The following DCSTAMP variants were observed in gnomAD, a reference collection of about 807,000 sequenced individuals.
The protein encoded by DCSTAMP is dendrocyte expressed seven transmembrane protein.
Under a neutral mutation model 33.8 loss-of-function variants are expected in DCSTAMP, and 25 were observed. The ratio of observed to expected loss-of-function variants is 0.74; its 90% CI spans 0.54 to 1.03. The LOEUF is 1.03. Ranked by LOEUF, DCSTAMP falls within the 50% of genes least tolerant of loss-of-function variation. The pLI, the probability that DCSTAMP is intolerant of heterozygous loss-of-function variation, is 0.00. For synonymous variants in DCSTAMP, 245 were observed against 216.7 expected, an observed-to-expected ratio of 1.13 and a Z score of -1.15; for missense variants, 531 against 556.8, an observed-to-expected ratio of 0.95 and a Z score of 0.47.
chr8:104,354,341 G>C (rs1810552672), intron 2 of DCSTAMP, among the ~76,000 whole-genome samples: 2 of 152,172 alleles, frequency 1.3e-5, no homozygotes, highest in African/African-American at 4.8e-5. Context: ...TGACCTTGTG[G>C]TCTGCTTAAG....
At chr8:104,348,084 A>G (rs976648730) in intron 1 of DCSTAMP, among the ~76,000 whole-genome samples, 9 of 152,216 alleles carry the variant, frequency 5.9e-5, no homozygotes, top group Admixed American at 2.0e-4. Flanking sequence ...GTTCTCCCCC[A>G]GTGCCTCCTG....
chr8:104,354,703 A>T (rs930457128), intron 2 of DCSTAMP, among the ~76,000 whole-genome samples, 174 bp from the exon 3 acceptor site: 2 of 152,232 alleles, frequency 1.3e-5, no homozygotes, highest in Non-Finnish European at 2.9e-5. Flanking sequence ...AATAAGACAC[A>T]TCTCTTCTCC....
intron 1 of DCSTAMP, among the ~76,000 whole-genome samples, chr8:104,345,519 T>C (rs1810283587): frequency 6.6e-6 from 1 of 152,212 alleles, no homozygotes; most frequent in Non-Finnish European, 1.5e-5. Flanking sequence ...ATTAGAGCTG[T>C]TGCCTGTTAA....
chr8:104,349,660 G>A, intron 2 of DCSTAMP, 79 bp downstream of exon 2: 1 of 1,498,248 alleles, frequency 6.7e-7, no homozygotes, highest in Non-Finnish European at 9.0e-7. Context: ...AACCTCCCGA[G>A]GCAGGGCAGT....
intron 1 of DCSTAMP, among the ~76,000 whole-genome samples, chr8:104,342,818 G>A (rs560501577): frequency 1.1e-4 from 17 of 152,326 alleles, no homozygotes; most frequent in African/African-American, 3.6e-4. Context: ...ACCAGGATGG[G>A]CCTGCGTCCG....
In DCSTAMP at chr8:104,348,636, C is replaced by T. The variant is rs2140472523; in HGVS notation, c.84C>T (p.Asp28=). Residue 28 remains aspartate (D), a synonymous_variant, in exon 2 of 4, where the codon GAC becomes GAT. Transcript: ENST00000297581. The stretch of plus-strand genomic sequence containing the variant: ...CTCCAAGAAGCCCCGGATGGATGGA[C>T]TTTATCCAGCATTTGGGAGTTTGCT... The part of the protein sequence containing the change: ...YVSPRSPGWM[D]FIQHLGVCCL... 4 of 1,614,168 alleles carry T rather than the reference C, an allele frequency of 2.5e-6. No individual in the cohort carries two copies. The highest frequency in any genetic ancestry group is 1.3e-5 in the African/African-American group (1 of 75,038).
In DCSTAMP at chr8:104,355,341, C is replaced by T. The variant is rs531437843; in HGVS notation, c.1338+156C>T. ...CATTGAGGAAAAATGAACAAACGTA[C>T]GTGGCTAGGACTCTTAACTCTGTGA... is the stretch of plus-strand genomic sequence containing the variant. On this transcript the variant is annotated intron_variant, in intron 3 of 3. Coordinates refer to ENST00000297581, the MANE Select transcript of DCSTAMP (RefSeq NM_030788.4). Among the ~76,000 whole-genome samples, 4 of 152,242 alleles carry T rather than the reference C, an allele frequency of 2.6e-5. No homozygotes were observed. In the East Asian group the frequency reaches 5.8e-4, roughly 22 times the overall value.
At position 104,355,155 on chromosome 8, in the gene DCSTAMP, C is replaced by T. The variant is rs775751074; in HGVS notation, c.1308C>T (p.Val436=). ...GATCAAAGCAGCCGCTGGGAGAAGT[C>T]AAAAGACGGCTGAGTCTCTATCTTA... ...KKRSKQPLGE[V]KRRLSLYLTK... Residue 436 remains valine (V), a synonymous_variant, in exon 3 of 4, where the codon GTC becomes GTT. Coordinates refer to ENST00000297581, the MANE Select transcript of DCSTAMP (RefSeq NM_030788.4). 1.9e-5 allele frequency: 31 copies of T among 1,613,742 alleles called. No individual in the cohort carries two copies. The highest frequency in any genetic ancestry group is 4.5e-5 in the East Asian group (2 of 44,876).
Position 104,355,149 on chromosome 8 carries a change from A to G in DCSTAMP, c.1302A>G (p.Gly434=). The G allele has an allele frequency of 6.2e-7, 1 of 1,613,988 alleles. No homozygotes were observed. Among genetic ancestry groups the G allele is most frequent in the Admixed American group, 1.7e-5 (1 of 59,990 alleles). Residue 434 remains glycine, a synonymous_variant, in exon 3 of 4, where the codon GGA becomes GGG. Coordinates refer to ENST00000297581, the MANE Select transcript of DCSTAMP (RefSeq NM_030788.4). The part of the protein sequence containing the change: ...LLKKRSKQPL[G]EVKRRLSLYL... ...AAAAAAGATCAAAGCAGCCGCTGGG[A>G]GAAGTCAAAAGACGGCTGAGTCTCT...
rs762874064 is a variant in DCSTAMP, at chr8:104,349,161, C to T, written c.609C>T (p.Thr203=). Reference sequence around the variant, plus strand: ...GCGTCTTGTACCAGATGGCAACAACCACAGAGGTGTTGTCCTCCCTGGGTC... The same window carrying T: ...GCGTCTTGTACCAGATGGCAACAACTACAGAGGTGTTGTCCTCCCTGGGTC... ...VLSVLYQMAT[T]TEVLSSLGQK... Residue 203 remains threonine, a synonymous_variant, in exon 2 of 4, where the codon ACC becomes ACT. Transcript: ENST00000297581. The T allele has an allele frequency of 6.2e-7, 1 of 1,614,206 alleles. No individual in the cohort carries two copies. The highest frequency in any genetic ancestry group is 1.7e-5 in the Admixed American group (1 of 60,032).
chr8:104,342,294 C>A (rs550581162), intron 1 of DCSTAMP, among the ~76,000 whole-genome samples: 2 of 152,136 alleles, frequency 1.3e-5, no homozygotes, highest in Non-Finnish European at 2.9e-5. Flanking sequence ...GCCATGTGAA[C>A]GTCATCTGAT....
intron 2 of DCSTAMP, among the ~76,000 whole-genome samples, chr8:104,353,127 G>T (rs773797309): frequency 6.6e-6 from 1 of 152,192 alleles, no homozygotes; most frequent in Non-Finnish European, 1.5e-5. Flanking sequence ...AATAGCCAGA[G>T]TTTCTACTTA....
intron 2 of DCSTAMP, 88 bp downstream of exon 2, chr8:104,349,669 G>A (rs1479802698): frequency 2.1e-6 from 3 of 1,452,152 alleles, no homozygotes; most frequent in African/African-American, 1.4e-5. Flanking sequence ...AGGCAGGGCA[G>A]TGGCTCATTC....
At chr8:104,349,716 A>AC in intron 2 of DCSTAMP, 135 bp downstream of exon 2, 1 of 976,688 alleles carries the variant, frequency 1.0e-6, no homozygotes, top group Non-Finnish European at 1.5e-6. Context: ...AGTGCTTGGC[A>AC]CATAGAAGGA....
rs775117480 is a variant in DCSTAMP at position 104,349,275 on chromosome 8, G to A, written c.723G>A (p.Lys241=). 5.9e-5 allele frequency: 96 copies of A among 1,614,092 alleles called. No individual in the cohort carries two copies. Among genetic ancestry groups the A allele is most frequent in the Non-Finnish European group, 7.2e-5 (85 of 1,180,052 alleles). Residue 241 remains lysine (K), a synonymous_variant, in exon 2 of 4, where the codon AAG becomes AAA. Coordinates refer to ENST00000297581, the MANE Select transcript of DCSTAMP (RefSeq NM_030788.4). ...MKRFLGPCGW[K]YENIYITRQF... ...GATTTTTGGGCCCTTGTGGTTGGAA[G>A]TATGAAAACATCTACATCACCAGAC...
At position 104,356,307 on chromosome 8, in the gene DCSTAMP, C is replaced by T. The variant is rs1810624331; in HGVS notation, c.*109C>T. On this transcript the variant is annotated 3_prime_UTR_variant, in exon 4 of 4. Transcript: ENST00000297581. ...AGAGAACTATGTGACGCAGTCCTCT[C>T]AGGAGTCTGAGTTTACAGAGCCAAC... 2 of 1,106,064 alleles carry T rather than the reference C, an allele frequency of 1.8e-6. No homozygotes were observed. Among genetic ancestry groups the T allele is most frequent in the Non-Finnish European group, 2.4e-6 (2 of 817,088 alleles). 68.5% of individuals were successfully genotyped at this position (1,106,064 alleles called of 1,614,324 possible).
At chr8:104,343,024 C>T (rs543431140) in intron 1 of DCSTAMP, among the ~76,000 whole-genome samples, 5 of 152,312 alleles carry the variant, frequency 3.3e-5, no homozygotes, top group South Asian at 2.1e-4. Flanking sequence ...ATGTGGTTGA[C>T]AACGCAGGAC....
intron 2 of DCSTAMP, among the ~76,000 whole-genome samples, chr8:104,353,365 T>C (rs373902880): frequency 6.6e-6 from 1 of 152,238 alleles, no homozygotes; most frequent in South Asian, 2.1e-4. Flanking sequence ...CACCAAAGTG[T>C]TGACTCAGCC....
intron 2 of DCSTAMP, among the ~76,000 whole-genome samples, chr8:104,352,637 C>T (rs1160601338): frequency 6.6e-6 from 1 of 152,104 alleles, no homozygotes; most frequent in African/African-American, 2.4e-5. Context: ...CAAAAAAACC[C>T]AGCTTTCCAA....
Sources: allele counts gnomAD v4.1 joint callset (sites outside exome capture counted in the v4.1 genomes callset), GRCh38; gene constraint gnomAD v4.1.1; transcripts MANE v1.5; gene names NCBI Gene and HGNC (gene_info 2026-07-23, HGNC 2026-07-21).